The following NXPH1 variants were observed in gnomAD, a reference collection of about 807,000 sequenced individuals.
NXPH1 encodes the protein neurexophilin-1.
Under a neutral mutation model 23.7 loss-of-function variants are expected in NXPH1, and 5 were observed. That is an observed-to-expected ratio of 0.21 (90% confidence interval 0.11 to 0.44). The LOEUF (loss-of-function observed/expected upper bound fraction) is 0.44, where lower values mean the gene tolerates loss of function less well. NXPH1 is among the 20% of genes least tolerant of loss of function. The pLI, the probability that NXPH1 is intolerant of heterozygous loss-of-function variation, is 0.99. For synonymous variants in NXPH1, 144 were observed against 122.2 expected (o/e 1.18, Z -1.18); for missense variants, 324 against 321.6 (o/e 1.01, Z -0.06).
intron 2 of NXPH1, among the ~76,000 whole-genome samples, chr7:8,501,728 C>T (rs1002839829): frequency 4.6e-5 from 7 of 151,910 alleles, no homozygotes; most frequent in African/African-American, 7.2e-5. Context: ...ATGTCATTGG[C>T]GCTTTATAAA....
intron 2 of NXPH1, among the ~76,000 whole-genome samples, chr7:8,589,799 G>T (rs1037055146): frequency 2.0e-5 from 3 of 152,028 alleles, no homozygotes; most frequent in Non-Finnish European, 4.4e-5. Flanking sequence ...CCATCCAATA[G>T]ATAGCCACCA....
chr7:8,495,498 C>T (rs765451646), intron 2 of NXPH1, among the ~76,000 whole-genome samples: 2 of 151,880 alleles, frequency 1.3e-5, no homozygotes, highest in Non-Finnish European at 2.9e-5. Flanking sequence ...AATTCTGAAG[C>T]TGGTTTTCTG....
At chr7:8,739,184 A>AC (rs1780317324) in intron 2 of NXPH1, among the ~76,000 whole-genome samples, 2 of 145,820 alleles carry the variant, frequency 1.4e-5, no homozygotes, top group Admixed American at 6.8e-5. Flanking sequence ...AAAAAAAAAA[A>AC]AAAAAAAAAA....
intron 2 of NXPH1, among the ~76,000 whole-genome samples, chr7:8,609,743 T>C (rs567708612): frequency 6.6e-6 from 1 of 152,304 alleles, no homozygotes; most frequent in South Asian, 2.1e-4. Flanking sequence ...AATTTTAATA[T>C]ATTTTCTCCC....
intron 2 of NXPH1, among the ~76,000 whole-genome samples, chr7:8,574,830 A>G (rs1055973954): frequency 9.2e-5 from 14 of 152,178 alleles, no homozygotes; most frequent in East Asian, 5.8e-4. Flanking sequence ...CTGTGCATCA[A>G]GTGTAAATGA....
chr7:8,748,604 C>T (rs1036186745), intron 2 of NXPH1, among the ~76,000 whole-genome samples: 5 of 152,204 alleles, frequency 3.3e-5, no homozygotes, highest in Admixed American at 3.3e-4. Flanking sequence ...TCCTTCATCT[C>T]TGCACACAAT....
intron 2 of NXPH1, among the ~76,000 whole-genome samples, chr7:8,731,554 C>T (rs1267857525): frequency 6.6e-6 from 1 of 152,186 alleles, no homozygotes. Flanking sequence ...AGTTTTCCTT[C>T]TAACAGACAG....
intron 2 of NXPH1, among the ~76,000 whole-genome samples, chr7:8,477,225 T>C (rs1300935721): frequency 6.6e-6 from 1 of 152,168 alleles, no homozygotes; most frequent in Non-Finnish European, 1.5e-5. Context: ...ACAGTTTCTA[T>C]AAGCAATTAA....
At chr7:8,463,095 T>A (rs1280042747) in intron 2 of NXPH1, among the ~76,000 whole-genome samples, 1 of 152,178 alleles carries the variant, frequency 6.6e-6, no homozygotes, top group East Asian at 1.9e-4. Context: ...ACAAATATAA[T>A]TCATAAGTTT....
chr7:8,583,332 C>G (rs1023765357), intron 2 of NXPH1, among the ~76,000 whole-genome samples: 2 of 152,224 alleles, frequency 1.3e-5, no homozygotes, highest in African/African-American at 4.8e-5. Flanking sequence ...TGAATCCTGG[C>G]ACAGCCATTT....
At chr7:8,594,074 C>G (rs1819162397) in intron 2 of NXPH1, among the ~76,000 whole-genome samples, 1 of 151,970 alleles carries the variant, frequency 6.6e-6, no homozygotes, top group African/African-American at 2.4e-5. Context: ...AAAGGTTTCT[C>G]TGAAAGCCAG....
At chr7:8,448,296 GA>G (rs1170599041) in intron 2 of NXPH1, among the ~76,000 whole-genome samples, 3 of 152,264 alleles carry the variant, frequency 2.0e-5, no homozygotes, top group East Asian at 3.9e-4. Context: ...AACTAACAAA[GA>G]AAAAAGTCTT....
chr7:8,726,249 A>G (rs1481306368), intron 2 of NXPH1, among the ~76,000 whole-genome samples: 1 of 151,800 alleles, frequency 6.6e-6, no homozygotes. Context: ...GTTGGAAGGT[A>G]AGTCAATCCT....
chr7:8,610,133 G>T (rs1174846506), intron 2 of NXPH1, among the ~76,000 whole-genome samples: 1 of 152,026 alleles, frequency 6.6e-6, no homozygotes, highest in African/African-American at 2.4e-5. Context: ...AGATAATTTT[G>T]GTTGCAATTT....
At chr7:8,647,159 G>C (rs772140880) in intron 2 of NXPH1, among the ~76,000 whole-genome samples, 7 of 152,220 alleles carry the variant, frequency 4.6e-5, no homozygotes, top group African/African-American at 1.7e-4. Flanking sequence ...GGATCAGTCA[G>C]AGCCAAGTGT....
intron 2 of NXPH1, among the ~76,000 whole-genome samples, chr7:8,436,222 A>G (rs909828518): frequency 2.6e-5 from 4 of 152,156 alleles, no homozygotes; most frequent in Non-Finnish European, 4.4e-5. Context: ...CGATTTGGAG[A>G]TGAGACACAT....
At chr7:8,708,694 A>C (rs1779740954) in intron 2 of NXPH1, among the ~76,000 whole-genome samples, 1 of 151,976 alleles carries the variant, frequency 6.6e-6, no homozygotes, top group African/African-American at 2.4e-5. Flanking sequence ...CACCCCATAC[A>C]ATTTTTTTTT....
chr7:8,449,992 C>T (rs1441919705), intron 2 of NXPH1, among the ~76,000 whole-genome samples: 1 of 152,166 alleles, frequency 6.6e-6, no homozygotes, highest in East Asian at 1.9e-4. Context: ...AGGAAGTCTG[C>T]ATCTATTGAC....
chr7:8,633,357 G>A (rs1820163780), intron 2 of NXPH1, among the ~76,000 whole-genome samples: 1 of 152,234 alleles, frequency 6.6e-6, no homozygotes, highest in African/African-American at 2.4e-5. Context: ...GAACCCAGGA[G>A]GCGGAGATTG....
Sources: gnomAD v4.1 joint callset for allele counts (sites outside exome capture counted in the v4.1 genomes callset) on GRCh38, gnomAD v4.1.1 for gene constraint, MANE v1.5 for transcripts, NCBI Gene and HGNC (gene_info 2026-07-23, HGNC 2026-07-21) for gene names.